Variants in AGBL4 observed in about 807,000 individuals in gnomAD.
The protein encoded by AGBL4 is cytosolic carboxypeptidase 6.
A neutral mutation model predicts 66.4 loss-of-function variants in AGBL4; 58 were observed. The ratio of observed to expected loss-of-function variants is 0.87; its 90% confidence interval spans 0.71 to 1.09. AGBL4 has a LOEUF of 1.09. AGBL4 is among the 50% of genes least tolerant of loss of function. The pLI is 0.00. For synonymous variants in AGBL4, 234 were observed against 222.9 expected, an observed-to-expected ratio of 1.05 and a Z score of -0.44; for missense variants, 579 against 631.0, an observed-to-expected ratio of 0.92 and a Z score of 0.88.
intron 3 of AGBL4, among the ~76,000 whole-genome samples, chr1:49,647,270 C>T (rs1050567042): frequency 1.3e-5 from 2 of 151,918 alleles, no homozygotes; most frequent in Non-Finnish European, 2.9e-5. Context: ...TCCATTCTAA[C>T]AAGTAAAAAG....
intron 1 of AGBL4, among the ~76,000 whole-genome samples, chr1:49,991,908 C>G (rs1186875991): frequency 6.6e-6 from 1 of 152,158 alleles, no homozygotes; most frequent in African/African-American, 2.4e-5. Context: ...ATTATATACT[C>G]TACACTTAAG....
rs1008319598 is a variant in AGBL4 at position 49,478,916 on chromosome 1, G to C, written c.282+218397C>G. On this transcript the variant is annotated intron_variant, in intron 3 of 13. Transcript: ENST00000371839. ...GTTTATGCAGAGTTAAGTTGTTATC[G>C]GCTTATAATAATGGGTTTTAAGATA... 2.6e-5 allele frequency among the ~76,000 whole-genome samples: 4 copies of C among 151,724 alleles called. No homozygotes were observed. In the East Asian group the frequency reaches 7.7e-4, roughly 29 times the overall value.
At chr1:48,811,804 G>A (rs1390186988) in intron 6 of AGBL4, among the ~76,000 whole-genome samples, 4 of 152,080 alleles carry the variant, frequency 2.6e-5, no homozygotes, top group East Asian at 1.9e-4. Context: ...GGGTATGTAC[G>A]GAGTGGGTGG....
chr1:50,002,749 A>G (rs1489195502), intron 1 of AGBL4, among the ~76,000 whole-genome samples: 1 of 152,164 alleles, frequency 6.6e-6, no homozygotes, highest in Non-Finnish European at 1.5e-5. Context: ...GAGACAGAAA[A>G]GACTACCAGA....
intron 1 of AGBL4, among the ~76,000 whole-genome samples, chr1:49,873,792 G>A (rs72905706): frequency 0.069 from 10,445 of 151,922 alleles, 1,130 homozygotes; most frequent in African/African-American, 0.23. Context: ...TCTTCCAGGC[G>A]TGCCCTTTAC....
At chr1:49,088,552 C>G (rs559369211) in intron 4 of AGBL4, among the ~76,000 whole-genome samples, 1 of 152,062 alleles carries the variant, frequency 6.6e-6, no homozygotes, top group Non-Finnish European at 1.5e-5. Context: ...GAAGTTCTAG[C>G]TATACTAAAA....
In AGBL4 at chr1:48,590,999, G is replaced by T; in HGVS notation, c.952-14C>A. 1 of 1,600,048 alleles carries T rather than the reference G, an allele frequency of 6.2e-7. No homozygotes were observed. Among genetic ancestry groups the T allele is most frequent in the Non-Finnish European group, 8.5e-7 (1 of 1,173,448 alleles). Reference sequence around the variant, plus strand: ...CAGGCTTGTTTTCTGTTGAGAGAAAGGATAACAAATGAGAAGTCTGGGCTG... The same window carrying T: ...CAGGCTTGTTTTCTGTTGAGAGAAATGATAACAAATGAGAAGTCTGGGCTG... On this transcript the variant is annotated splice_polypyrimidine_tract_variant and intron_variant, in intron 9 of 13. Coordinates refer to ENST00000371839, the MANE Select transcript of AGBL4 (RefSeq NM_032785.4).
intron 3 of AGBL4, among the ~76,000 whole-genome samples, chr1:49,529,814 G>A (rs1391657295): frequency 1.3e-5 from 2 of 152,046 alleles, no homozygotes; most frequent in Non-Finnish European, 2.9e-5. Flanking sequence ...CTAGCAGACA[G>A]TTAAGGGCTA....
At chr1:49,959,184 G>C (rs1393397160) in intron 1 of AGBL4, among the ~76,000 whole-genome samples, 2 of 151,926 alleles carry the variant, frequency 1.3e-5, no homozygotes, top group African/African-American at 4.8e-5. Context: ...ATTCAAAGAG[G>C]AGTTGCAGTA....
intron 4 of AGBL4, among the ~76,000 whole-genome samples, chr1:49,233,341 G>C (rs902970773): frequency 1.3e-5 from 2 of 152,170 alleles, no homozygotes; most frequent in Admixed American, 6.5e-5. Flanking sequence ...ACAATTCAAG[G>C]TGTTGATTTA....
chr1:49,550,420 G>A (rs1428459868), intron 3 of AGBL4, among the ~76,000 whole-genome samples: 1 of 152,124 alleles, frequency 6.6e-6, no homozygotes, highest in Admixed American at 6.5e-5. Context: ...CTTTAAAGAG[G>A]TTCTGTTTTG....
intron 3 of AGBL4, among the ~76,000 whole-genome samples, chr1:49,444,660 T>C (rs1241100214): frequency 1.3e-5 from 2 of 152,086 alleles, no homozygotes; most frequent in Non-Finnish European, 2.9e-5. Flanking sequence ...CTAGTCTATA[T>C]GCATTTTACT....
chr1:49,186,124 C>T (rs1001161156), intron 4 of AGBL4, among the ~76,000 whole-genome samples: 5 of 152,158 alleles, frequency 3.3e-5, no homozygotes, highest in African/African-American at 1.2e-4. Flanking sequence ...TCTCATCCTT[C>T]ATAAGAGCTT....
At chr1:49,254,047 A>G (rs1652282873) in intron 3 of AGBL4, among the ~76,000 whole-genome samples, 1 of 152,220 alleles carries the variant, frequency 6.6e-6, no homozygotes, top group Non-Finnish European at 1.5e-5. Flanking sequence ...GGACAAACCC[A>G]CAGCCAACAT....
At position 49,260,452 on chromosome 1, in the gene AGBL4, G is replaced by A. The variant is rs370395933; in HGVS notation, c.283-14588C>T. On this transcript the variant is annotated intron_variant, in intron 3 of 13. Coordinates refer to ENST00000371839, the MANE Select transcript of AGBL4 (RefSeq NM_032785.4). The stretch of plus-strand genomic sequence containing the variant: ...GAAAAGAGAGAAGAATCAAATAGAC[G>A]CAATAAAAAATGATAAAGGGGATAT... Among the ~76,000 whole-genome samples, 287 of 151,368 alleles carry A rather than the reference G, an allele frequency of 1.9e-3. 2 individuals carry two copies. Among genetic ancestry groups the A allele is most frequent in the African/African-American group, 6.4e-3 (263 of 41,206 alleles).
intron 6 of AGBL4, among the ~76,000 whole-genome samples, chr1:48,681,728 C>T (rs957762317): frequency 1.3e-5 from 2 of 152,306 alleles, no homozygotes. Flanking sequence ...GGGACAGGGG[C>T]TCTCAGCTCA....
intron 2 of AGBL4, among the ~76,000 whole-genome samples, chr1:49,770,111 G>A (rs555298783): frequency 1.8e-4 from 28 of 152,236 alleles, no homozygotes; most frequent in Admixed American, 1.3e-3. Flanking sequence ...AGGCTGGGGC[G>A]GATCACGAGG....
intron 6 of AGBL4, among the ~76,000 whole-genome samples, chr1:48,846,413 G>GAA (rs1049689800): frequency 6.9e-6 from 1 of 144,980 alleles, no homozygotes; most frequent in Non-Finnish European, 1.5e-5. Context: ...AAGAAAGAAA[G>GAA]AAAGAAAGAA....
At chr1:49,395,735 A>G (rs191979692) in intron 3 of AGBL4, among the ~76,000 whole-genome samples, 30 of 142,436 alleles carry the variant, frequency 2.1e-4, no homozygotes, top group South Asian at 1.1e-3. Flanking sequence ...AAATGTGTGT[A>G]TATATATATA....
Sources: allele counts gnomAD v4.1 joint callset (sites outside exome capture counted in the v4.1 genomes callset), GRCh38; gene constraint gnomAD v4.1.1; transcripts MANE v1.5; gene names NCBI Gene and HGNC (gene_info 2026-07-23, HGNC 2026-07-21).